CEP20: variants seen among roughly 807,000 people sequenced by gnomAD.
CEP20 encodes the protein FGFR1OP N-terminal like.
A neutral mutation model predicts 20.0 loss-of-function variants in CEP20; 18 were observed. That is an observed-to-expected ratio of 0.90 (90% CI 0.62 to 1.34). The LOEUF (loss-of-function observed/expected upper bound fraction) is 1.34, where lower values mean the gene tolerates loss of function less well. Ranked by LOEUF, CEP20 falls within the 40% of genes most tolerant of loss-of-function variation. CEP20 has a pLI of 0.00. For synonymous variants in CEP20, 77 were observed against 73.7 expected, an observed-to-expected ratio of 1.04 and a Z score of -0.23; for missense variants, 215 against 201.6, an observed-to-expected ratio of 1.07 and a Z score of -0.40.
In CEP20 at chr16:15,881,074, C is replaced by T. The variant is rs1042414353; in HGVS notation, c.227-1186G>A. On this transcript the variant is annotated intron_variant, in intron 2 of 4. Transcript: ENST00000255759. ...TGCTTGAATCATCCCGAACCATCCT[C>T]CCAGGTCCATGGAAAAATTGTCTTC... Among the ~76,000 whole-genome samples, 5 of 152,102 alleles carry T rather than the reference C, an allele frequency of 3.3e-5. No homozygotes were observed. In the South Asian group the frequency reaches 8.3e-4, roughly 25 times the overall value.
At chr16:15,873,180 C>T (rs561733993) in intron 4 of CEP20, among the ~76,000 whole-genome samples, 2 of 152,014 alleles carry the variant, frequency 1.3e-5, no homozygotes, top group East Asian at 3.9e-4. Context: ...TGGCCTCAAG[C>T]GATCCACCTG....
chr16:15,876,457 AGAGT>A (rs1159348091), intron 3 of CEP20, among the ~76,000 whole-genome samples: 5 of 151,578 alleles, frequency 3.3e-5, no homozygotes. Flanking sequence ...CCTGGACGAC[AGAGT>A]GAGACTCTGT....
chr16:15,873,419 T>C (rs2044868192), intron 4 of CEP20, 72 bp downstream of exon 4: 1 of 1,548,744 alleles, frequency 6.5e-7, no homozygotes, highest in Non-Finnish European at 8.7e-7. Context: ...CAGTAAAGAC[T>C]CCAAAAGAAA....
intron 4 of CEP20, among the ~76,000 whole-genome samples, chr16:15,872,649 C>T (rs1403250685): frequency 2.0e-5 from 3 of 151,876 alleles, no homozygotes; most frequent in Non-Finnish European, 4.4e-5. Flanking sequence ...TTCAAGGTTA[C>T]GGTGAGCTAT....
intron 4 of CEP20, among the ~76,000 whole-genome samples, 159 bp downstream of exon 4, chr16:15,873,330 CAA>C (rs2044866035): frequency 6.6e-6 from 1 of 152,042 alleles, no homozygotes; most frequent in African/African-American, 2.4e-5. Flanking sequence ...AGATTCTTTA[CAA>C]AAAGCATTCT....
Position 15,867,514 on chromosome 16 carries a change from C to T in CEP20, c.451G>A (p.Asp151Asn). ...TTCTGTTCCTCCTTTCTTAGGTGGT[C>T]ATCTGAAATGCACAGAAACCAATGT... ...RQPSRRKPMD[D>N]HLRKEEQKST... The change falls in exon 5 of 5, where the codon GAC becomes AAC. Residue 151 changes from aspartate to asparagine, a missense_variant and splice_region_variant. By Grantham distance (23) the Asp-to-Asn change is conservative (BLOSUM62 1). Transcript: ENST00000255759. The T allele has an allele frequency of 6.3e-7, 1 of 1,598,626 alleles. No homozygotes were observed. Among genetic ancestry groups the T allele is most frequent in the Non-Finnish European group, 8.5e-7 (1 of 1,170,350 alleles).
intron 4 of CEP20, among the ~76,000 whole-genome samples, chr16:15,869,379 C>T (rs56329716): frequency 1.1e-4 from 17 of 149,242 alleles, no homozygotes; most frequent in Middle Eastern, 3.2e-3. Flanking sequence ...GGCGCAATCT[C>T]GGCTCACTGC....
chr16:15,884,336 G>C (rs2151432177), intron 1 of CEP20, 131 bp from the exon 2 acceptor site: 1 of 728,530 alleles, frequency 1.4e-6, no homozygotes, highest in East Asian at 2.7e-5. Flanking sequence ...TCTAAACATT[G>C]TGACAAATTA....
rs766198527 is a variant in CEP20, at chr16:15,888,536, A to T, written c.28+22T>A. On this transcript the variant is annotated intron_variant, in intron 1 of 4. Transcript: ENST00000255759. Reference sequence around the variant, plus strand: ...TGAAGGCCCGACGCTTCCCATGTGGAGGCCTCCCTGCTCGCACTCACCAGC... The same window carrying T: ...TGAAGGCCCGACGCTTCCCATGTGGTGGCCTCCCTGCTCGCACTCACCAGC... 5 of 1,613,942 alleles carry T rather than the reference A, an allele frequency of 3.1e-6. No homozygotes were observed. The African/African-American group carries it at 4.0e-5, about 13-fold the overall frequency.
At position 15,867,927 on chromosome 16, in the gene CEP20, C is replaced by T. The variant is rs141235982; in HGVS notation, c.449-411G>A. 9.2e-4 allele frequency among the ~76,000 whole-genome samples: 131 copies of T among 142,378 alleles called. No individual in the cohort carries two copies. In the East Asian group the frequency reaches 0.024, roughly 26 times the overall value. 93.4% of individuals were successfully genotyped at this position (142,378 alleles called of 152,430 possible). On this transcript the variant is annotated intron_variant, in intron 4 of 4. Transcript: ENST00000255759. Reference sequence around the variant, plus strand: ...GGCAGAAGTTGCAGTGAGCCAAGATCGTGCCATTTCACTCCAGCCTGGGCA... The same window carrying T: ...GGCAGAAGTTGCAGTGAGCCAAGATTGTGCCATTTCACTCCAGCCTGGGCA...
intron 1 of CEP20, among the ~76,000 whole-genome samples, chr16:15,887,839 A>C (rs1050636057): frequency 1.3e-5 from 2 of 152,114 alleles, no homozygotes; most frequent in African/African-American, 4.8e-5. Flanking sequence ...CACACCTGTA[A>C]TCCCAGCACT....
At chr16:15,885,298 ACT>A (rs1337301117) in intron 1 of CEP20, among the ~76,000 whole-genome samples, 2 of 150,850 alleles carry the variant, frequency 1.3e-5, no homozygotes, top group Non-Finnish European at 3.0e-5. Context: ...AAAGAGTGAG[ACT>A]CTGTTTAAAA....
At chr16:15,871,242 T>G (rs548158437) in intron 4 of CEP20, among the ~76,000 whole-genome samples, 45 of 151,552 alleles carry the variant, frequency 3.0e-4, no homozygotes, top group African/African-American at 1.1e-3. Flanking sequence ...GGTGACAGAG[T>G]GACAGTCCAT....
chr16:15,882,081 A>C (rs2045111136), intron 2 of CEP20, among the ~76,000 whole-genome samples: 1 of 151,996 alleles, frequency 6.6e-6, no homozygotes, highest in Non-Finnish European at 1.5e-5. Context: ...TTCTCATGAG[A>C]ACAGGTCATT....
intron 3 of CEP20, among the ~76,000 whole-genome samples, chr16:15,873,887 T>C (rs1364682958): frequency 6.6e-6 from 1 of 150,396 alleles, no homozygotes. Context: ...CACTGAAATA[T>C]CATTTCTATC....
At chr16:15,873,081 GT>G (rs929361024) in intron 4 of CEP20, among the ~76,000 whole-genome samples, 19 of 149,692 alleles carry the variant, frequency 1.3e-4, no homozygotes, top group South Asian at 6.4e-4. Context: ...GTATTTTTTT[GT>G]TTTTTTTTAA....
chr16:15,876,622 A>T (rs2044956254), intron 3 of CEP20, among the ~76,000 whole-genome samples: 2 of 152,050 alleles, frequency 1.3e-5, no homozygotes, highest in African/African-American at 2.4e-5. Context: ...TGTCATTTTA[A>T]AACCCGACAG....
chr16:15,882,907 T>C (rs1160386006), intron 2 of CEP20: 3 of 151,912 alleles, frequency 2.0e-5, no homozygotes, highest in African/African-American at 4.8e-5. Flanking sequence ...ACCCCGTCTC[T>C]ACTAAAAAAT....
In CEP20 at chr16:15,884,170, C is replaced by T. The variant is rs200856193; in HGVS notation, c.64G>A (p.Gly22Arg). Reference sequence around the variant, plus strand: ...GCTCGGATCCTTGCTTTTAAATGCCCTAATACCCCCTTTTTTTCCAAGGTG... The same window carrying T: ...GCTCGGATCCTTGCTTTTAAATGCCTTAATACCCCCTTTTTTTCCAAGGTG... The part of the protein sequence containing the change: ...KDTLEKKGVL[G>R]HLKARIRAEV... The change falls in exon 2 of 5, where the codon GGG (glycine) becomes AGG (arginine). Residue 22 changes from glycine to arginine, a missense_variant. Gly to Arg is a moderately radical substitution (Grantham distance 125). Coordinates refer to ENST00000255759, the MANE Select transcript of CEP20 (RefSeq NM_144600.4). 80 of 1,612,260 alleles carry T rather than the reference C, an allele frequency of 5.0e-5. 1 individual carries two copies. The Admixed American group carries it at 1.3e-3, about 26-fold the overall frequency.
Sources: gnomAD v4.1 joint callset for allele counts (sites outside exome capture counted in the v4.1 genomes callset) on GRCh38, gnomAD v4.1.1 for gene constraint, MANE v1.5 for transcripts, NCBI Gene and HGNC (gene_info 2026-07-23, HGNC 2026-07-21) for gene names.